Variants in CCDC3 observed in about 807,000 individuals in gnomAD.
The protein encoded by CCDC3 is coiled-coil domain-containing protein 3.
A neutral mutation model predicts 21.4 loss-of-function variants in CCDC3; 24 were observed. That is an observed-to-expected ratio of 1.12 (90% CI 0.81 to 1.58). CCDC3 has a LOEUF of 1.58. Ranked by LOEUF, CCDC3 falls within the 40% of genes most tolerant of loss-of-function variation. CCDC3 has a pLI of 0.00. For synonymous variants in CCDC3, 186 were observed against 166.0 expected, an observed-to-expected ratio of 1.12 and a Z score of -0.93; for missense variants, 425 against 360.9, an observed-to-expected ratio of 1.18 and a Z score of -1.44.
intron 3 of CCDC3, among the ~76,000 whole-genome samples, chr10:13,079,968 T>C (rs937321423): frequency 2.7e-4 from 41 of 151,828 alleles, no homozygotes; most frequent in Non-Finnish European, 1.5e-4. Context: ...GCAAGGTAGG[T>C]ACTTTAAAGA....
At chr10:13,097,204 A>G (rs935823454) in intron 3 of CCDC3, among the ~76,000 whole-genome samples, 2 of 152,014 alleles carry the variant, frequency 1.3e-5, no homozygotes, top group Non-Finnish European at 2.9e-5. Flanking sequence ...GCATGCTATT[A>G]TTTCAGTTTT....
chr10:12,990,672 TCCC>T (rs1835667872), intron 2 of CCDC3, among the ~76,000 whole-genome samples: 2 of 152,194 alleles, frequency 1.3e-5, no homozygotes, highest in African/African-American at 4.8e-5. Context: ...ACTTAGTCTT[TCCC>T]CCATCAGATC....
intron 3 of CCDC3, among the ~76,000 whole-genome samples, chr10:13,082,670 C>T (rs955214737): frequency 1.3e-5 from 2 of 152,180 alleles, no homozygotes; most frequent in African/African-American, 4.8e-5. Context: ...AGCTAAGTAA[C>T]GGTTGCCTTC....
chr10:12,950,727 C>A (rs745536382), intron 2 of CCDC3, among the ~76,000 whole-genome samples: 14 of 152,178 alleles, frequency 9.2e-5, no homozygotes, highest in African/African-American at 3.4e-4. Context: ...ATGTCAGAAA[C>A]CCTTAGAAGC....
At chr10:13,042,578 C>T (rs183992534) in intron 5 of CCDC3, among the ~76,000 whole-genome samples, 10 of 152,300 alleles carry the variant, frequency 6.6e-5, no homozygotes, top group African/African-American at 2.2e-4. Context: ...ACTTCAACTT[C>T]CTGCTTGGTT....
chr10:13,016,563 T>C (rs1181359106), intron 5 of CCDC3, among the ~76,000 whole-genome samples: 2 of 151,960 alleles, frequency 1.3e-5, no homozygotes, highest in African/African-American at 4.8e-5. Context: ...GCCGATGTTA[T>C]TTCATAGATA....
intron 3 of CCDC3, among the ~76,000 whole-genome samples, chr10:13,076,625 C>T (rs1239972572): frequency 1.3e-5 from 2 of 152,352 alleles, no homozygotes; most frequent in African/African-American, 4.8e-5. Flanking sequence ...TAAACATGCT[C>T]ACAGGCACAT....
chr10:13,037,744 C>A (rs904529597), intron 5 of CCDC3, among the ~76,000 whole-genome samples: 1 of 152,190 alleles, frequency 6.6e-6, no homozygotes, highest in African/African-American at 2.4e-5. Flanking sequence ...GGAGGATTAC[C>A]TGAGCTCTCC....
intron 2 of CCDC3, among the ~76,000 whole-genome samples, chr10:12,937,719 T>G (rs568516651): frequency 1.3e-5 from 2 of 152,322 alleles, no homozygotes; most frequent in South Asian, 4.1e-4. Flanking sequence ...CAGAATAAGC[T>G]CATTCATAGC....
chr10:12,997,989 A>G (rs529338361), intron 2 of CCDC3, among the ~76,000 whole-genome samples: 1 of 152,286 alleles, frequency 6.6e-6, no homozygotes, highest in African/African-American at 2.4e-5. Flanking sequence ...CCACATTCAA[A>G]CTGTCCTGGG....
rs148568631 is a variant in CCDC3, at chr10:12,931,897, A to T, written c.550-33218T>A. Among the ~76,000 whole-genome samples the T allele has an allele frequency of 1.5e-3, 225 of 152,336 alleles. 1 individual carries two copies. Among genetic ancestry groups the T allele is most frequent in the African/African-American group, 4.9e-3 (205 of 41,556 alleles). On this transcript the variant is annotated intron_variant, in intron 2 of 2. Transcript: ENST00000378825. ...TAAGTAAAACTCAGAGGATTTGTGT[A>T]TTTGGGTGGGAAAATATTACATTTT...
At chr10:13,060,349 A>G (rs1462305105) in intron 4 of CCDC3, among the ~76,000 whole-genome samples, 2 of 152,084 alleles carry the variant, frequency 1.3e-5, no homozygotes, top group African/African-American at 4.8e-5. Context: ...AGAAGAGGAG[A>G]GGACCAAAGA....
chr10:13,027,731 A>C (rs11258140), intron 5 of CCDC3, among the ~76,000 whole-genome samples: 4,757 of 151,026 alleles, frequency 0.031, 211 homozygotes, highest in African/African-American at 0.099. Context: ...AAAAAAAAAA[A>C]ACAAAAAAAA....
rs536524624 is a variant in CCDC3, at chr10:13,043,327, C to G, written c.-2+6347G>C. On this transcript the variant is annotated intron_variant, in intron 5 of 6. Transcript: ENST00000378839. ...CAAAGATAAGCTGGGCATGGTGGCT[C>G]ACGCCTGTAATCCCAGCTACTTTGG... Among the ~76,000 whole-genome samples, 4 of 152,260 alleles carry G rather than the reference C, an allele frequency of 2.6e-5. No homozygotes were observed. In the South Asian group the frequency reaches 8.3e-4, roughly 32 times the overall value.
At chr10:12,934,362 C>CCAGAATGTGATCTAT (rs1222427011) in intron 2 of CCDC3, among the ~76,000 whole-genome samples, 4 of 151,998 alleles carry the variant, frequency 2.6e-5, no homozygotes, top group African/African-American at 9.7e-5. Flanking sequence ...GTTTTATGAC[C>CCAGAATGTGATCTAT]CAGAATGTGA....
At chr10:13,050,705 C>T (rs1018559141) in intron 4 of CCDC3, among the ~76,000 whole-genome samples, 2 of 151,880 alleles carry the variant, frequency 1.3e-5, no homozygotes, top group African/African-American at 4.8e-5. Context: ...GTGATCCACC[C>T]GCCTCAGCCT....
chr10:12,945,730 G>A (rs1251005), intron 2 of CCDC3, among the ~76,000 whole-genome samples: 53,646 of 151,874 alleles, frequency 0.35, 9,747 homozygotes, highest in Admixed American at 0.45. Flanking sequence ...ATAATTTCCC[G>A]TGCTTCATGT....
intron 5 of CCDC3, among the ~76,000 whole-genome samples, chr10:13,047,836 T>C (rs1836548544): frequency 6.6e-6 from 1 of 152,164 alleles, no homozygotes; most frequent in Non-Finnish European, 1.5e-5. Context: ...TAGAAGTTTA[T>C]TTTGCCAAGG....
At chr10:13,001,169 G>C in intron 1 of CCDC3, 28 bp downstream of exon 1, 7 of 1,543,270 alleles carry the variant, frequency 4.5e-6, no homozygotes, top group South Asian at 1.2e-5. Flanking sequence ...GAGAGAGAGA[G>C]AGGTGGCGGC....
Sources: gnomAD v4.1 joint callset for allele counts (sites outside exome capture counted in the v4.1 genomes callset) on GRCh38, gnomAD v4.1.1 for gene constraint, MANE v1.5 for transcripts, NCBI Gene and HGNC (gene_info 2026-07-23, HGNC 2026-07-21) for gene names.